Variants in EYS observed in about 807,000 individuals in gnomAD.
EYS encodes the protein protein eyes shut homolog.
A neutral mutation model predicts 282.1 loss-of-function variants in EYS; 250 were observed. The ratio of observed to expected loss-of-function variants is 0.89; its 90% CI spans 0.80 to 0.98. The LOEUF is 0.98. Ranked by LOEUF, EYS falls within the 50% of genes least tolerant of loss-of-function variation. EYS has a pLI of 0.00. For missense variants in EYS, 4,016 were observed against 3,709.0 expected, an observed-to-expected ratio of 1.08 and a Z score of -2.15; for synonymous variants, 1,355 against 1,282.9, an observed-to-expected ratio of 1.06 and a Z score of -1.20.
chr6:63,737,343 A>G (rs1444568258), intron 41 of EYS, among the ~76,000 whole-genome samples: 1 of 152,090 alleles, frequency 6.6e-6, no homozygotes. Flanking sequence ...CTATTGAGAT[A>G]ATCATGTGGT....
chr6:65,202,570 G>A (rs923301753), intron 12 of EYS, among the ~76,000 whole-genome samples: 3 of 152,026 alleles, frequency 2.0e-5, no homozygotes, highest in Admixed American at 6.6e-5. Context: ...TGACATCTGC[G>A]GCCTGATCTC....
At chr6:64,747,890 T>C (rs1402410141) in intron 22 of EYS, among the ~76,000 whole-genome samples, 1 of 152,228 alleles carries the variant, frequency 6.6e-6, no homozygotes, top group Non-Finnish European at 1.5e-5. Context: ...AGTGGGATAA[T>C]TGCATTTGTC....
intron 35 of EYS, among the ~76,000 whole-genome samples, chr6:63,940,957 G>A (rs1358137300): frequency 6.6e-6 from 1 of 151,666 alleles, no homozygotes; most frequent in East Asian, 1.9e-4. Context: ...CCTTGCGATA[G>A]TTTGCTCAGA....
At chr6:64,348,725 G>T (rs1771507826) in intron 29 of EYS, among the ~76,000 whole-genome samples, 3 of 151,462 alleles carry the variant, frequency 2.0e-5, no homozygotes, top group African/African-American at 7.3e-5. Flanking sequence ...TTTAGAAAAT[G>T]AGGTATTTTT....
intron 5 of EYS, among the ~76,000 whole-genome samples, chr6:65,488,541 G>C (rs1299277773): frequency 6.6e-6 from 1 of 152,036 alleles, no homozygotes; most frequent in Non-Finnish European, 1.5e-5. Flanking sequence ...CTTGAAAATG[G>C]CCTTACTGTC....
At chr6:65,526,273 A>G (rs1412269283) in intron 2 of EYS, among the ~76,000 whole-genome samples, 1 of 152,242 alleles carries the variant, frequency 6.6e-6, no homozygotes, top group Non-Finnish European at 1.5e-5. Context: ...TTTTCAATAC[A>G]TGATATTTAC....
chr6:65,006,232 A>T (rs1771649503), intron 13 of EYS, among the ~76,000 whole-genome samples: 1 of 151,778 alleles, frequency 6.6e-6, no homozygotes, highest in South Asian at 2.1e-4. Context: ...AGTCAAAGAG[A>T]AAAAGAAAGA....
At chr6:65,422,511 A>C (rs1767503229) in intron 5 of EYS, among the ~76,000 whole-genome samples, 2 of 151,918 alleles carry the variant, frequency 1.3e-5, no homozygotes, top group African/African-American at 4.8e-5. Flanking sequence ...GAAATTTAAT[A>C]AGAAAAATAC....
intron 37 of EYS, among the ~76,000 whole-genome samples, chr6:63,803,685 G>T (rs546284455): frequency 1.4e-4 from 22 of 152,244 alleles, no homozygotes; most frequent in Non-Finnish European, 2.9e-4. Context: ...GCAATTATTT[G>T]TTCTTATTGT....
intron 22 of EYS, among the ~76,000 whole-genome samples, chr6:64,629,832 G>T (rs1417902389): frequency 6.6e-6 from 1 of 152,090 alleles, no homozygotes; most frequent in African/African-American, 2.4e-5. Flanking sequence ...GATAATGATT[G>T]CATCTGTAGA....
At chr6:64,814,241 T>A (rs1764682672) in intron 21 of EYS, among the ~76,000 whole-genome samples, 1 of 152,100 alleles carries the variant, frequency 6.6e-6, no homozygotes, top group Non-Finnish European at 1.5e-5. Flanking sequence ...TACCTGTTAC[T>A]TTTTAAGCTT....
intron 33 of EYS, among the ~76,000 whole-genome samples, chr6:64,055,476 T>A (rs1348678849): frequency 6.6e-6 from 1 of 152,110 alleles, no homozygotes; most frequent in African/African-American, 2.4e-5. Context: ...ATACAAAGAG[T>A]GCTTTGCTTC....
At chr6:65,210,697 A>T (rs527240064) in intron 12 of EYS, among the ~76,000 whole-genome samples, 1 of 152,090 alleles carries the variant, frequency 6.6e-6, no homozygotes, top group African/African-American at 2.4e-5. Context: ...TAAAAAGATA[A>T]TGGGGGTAAA....
intron 10 of EYS, among the ~76,000 whole-genome samples, chr6:65,339,404 T>C (rs1770114236): frequency 6.6e-6 from 1 of 151,360 alleles, no homozygotes; most frequent in East Asian, 2.0e-4. Flanking sequence ...TAGTATGGTT[T>C]AGTAAGATAT....
At chr6:64,710,338 C>T (rs1033346092) in intron 22 of EYS, among the ~76,000 whole-genome samples, 3 of 152,226 alleles carry the variant, frequency 2.0e-5, no homozygotes, top group East Asian at 1.9e-4. Context: ...AACCCTTCCT[C>T]TTCTACCACA....
chr6:64,075,595 C>A (rs950184832), intron 32 of EYS, among the ~76,000 whole-genome samples: 1 of 151,846 alleles, frequency 6.6e-6, no homozygotes, highest in Non-Finnish European at 1.5e-5. Context: ...TTTGATGCCA[C>A]GATTTTTAGT....
chr6:63,842,396 C>T (rs1771984644), intron 36 of EYS, among the ~76,000 whole-genome samples: 1 of 152,186 alleles, frequency 6.6e-6, no homozygotes. Context: ...CTGTTGCCTG[C>T]ATAAATATCT....
At chr6:64,778,208 A>C (rs1046508660) in intron 22 of EYS, among the ~76,000 whole-genome samples, 2 of 152,136 alleles carry the variant, frequency 1.3e-5, no homozygotes, top group African/African-American at 4.8e-5. Flanking sequence ...AATTGTCTGA[A>C]TCTTCTAGTA....
intron 30 of EYS, among the ~76,000 whole-genome samples, chr6:64,257,030 G>T (rs1356657921): frequency 2.6e-5 from 4 of 152,060 alleles, no homozygotes; most frequent in Admixed American, 6.6e-5. Flanking sequence ...AATCTATTAT[G>T]TCTTTCAATA....
Sources: gnomAD v4.1 joint callset for allele counts (sites outside exome capture counted in the v4.1 genomes callset) on GRCh38, gnomAD v4.1.1 for gene constraint, MANE v1.5 for transcripts, NCBI Gene and HGNC (gene_info 2026-07-23, HGNC 2026-07-21) for gene names.